The following THSD7A variants were observed in gnomAD, a reference collection of about 807,000 sequenced individuals.
The protein encoded by THSD7A is thrombospondin type 1 domain containing 7A, also known as thrombospondin type-1 domain-containing protein 7A.
Under a neutral mutation model 231.3 loss-of-function variants are expected in THSD7A, and 96 were observed. The observed-to-expected ratio is 0.41, with a 90% confidence interval of 0.35 to 0.49. The LOEUF (loss-of-function observed/expected upper bound fraction) is 0.49. Ranked by LOEUF, THSD7A falls within the 20% of genes least tolerant of loss-of-function variation. The pLI is 0.05. For missense variants in THSD7A, 2,290 were observed against 2,070.2 expected, an observed-to-expected ratio of 1.11 and a Z score of -2.06; for synonymous variants, 940 against 743.3, an observed-to-expected ratio of 1.26 and a Z score of -4.30.
At chr7:11,641,848 C>T (rs1340051468) in intron 1 of THSD7A, among the ~76,000 whole-genome samples, 1 of 152,052 alleles carries the variant, frequency 6.6e-6, no homozygotes, top group Non-Finnish European at 1.5e-5. Flanking sequence ...CCTTGGGTAT[C>T]GCATGTGTGT....
chr7:11,437,299 T>A (rs954209096), intron 13 of THSD7A, among the ~76,000 whole-genome samples: 3 of 152,040 alleles, frequency 2.0e-5, no homozygotes, highest in South Asian at 4.1e-4. Context: ...CCTCATCACC[T>A]CCTCTGTGCT....
chr7:11,676,569 C>A lies in THSD7A; in HGVS notation c.191-39608G>T, dbSNP rs148484343. On this transcript the variant is annotated intron_variant, in intron 1 of 27. Transcript: ENST00000423059. Reference sequence around the variant, plus strand: ...CTGGAATAACCAGTTTAGAGAAGAACATAAATGACCTAAGAGAGATGAAAA... The same window carrying A: ...CTGGAATAACCAGTTTAGAGAAGAAAATAAATGACCTAAGAGAGATGAAAA... 9.9e-3 allele frequency among the ~76,000 whole-genome samples: 1,501 copies of A among 152,148 alleles called. 31 individuals are homozygous for A. Among genetic ancestry groups the A allele is most frequent in the African/African-American group, 0.034 (1,418 of 41,506 alleles).
chr7:11,610,784 C>A (rs972755294), intron 2 of THSD7A, among the ~76,000 whole-genome samples: 3 of 152,060 alleles, frequency 2.0e-5, no homozygotes, highest in Non-Finnish European at 4.4e-5. Context: ...CTCATTACAA[C>A]TATATGGAAT....
At chr7:11,493,858 C>T (rs767512612) in intron 6 of THSD7A, among the ~76,000 whole-genome samples, 2 of 151,784 alleles carry the variant, frequency 1.3e-5, no homozygotes, top group Non-Finnish European at 2.9e-5. Flanking sequence ...CTAATAGAAA[C>T]CTTTGGGGGT....
chr7:11,553,122 T>C (rs1174836210), intron 4 of THSD7A, among the ~76,000 whole-genome samples: 1 of 152,110 alleles, frequency 6.6e-6, no homozygotes. Context: ...TGCTTCAGTA[T>C]TGCTGAAACA....
intron 23 of THSD7A, among the ~76,000 whole-genome samples, chr7:11,392,371 G>A (rs1413861166): frequency 6.6e-6 from 1 of 152,124 alleles, no homozygotes; most frequent in Non-Finnish European, 1.5e-5. Context: ...TTTTCTCATG[G>A]TCTTTGCAAC....
At chr7:11,729,515 G>A (rs1428864588) in intron 1 of THSD7A, among the ~76,000 whole-genome samples, 8 of 151,646 alleles carry the variant, frequency 5.3e-5, no homozygotes. Context: ...AAACAAGCAA[G>A]CAAACAAAAA....
intron 15 of THSD7A, among the ~76,000 whole-genome samples, chr7:11,425,509 G>T (rs1470902461): frequency 3.3e-5 from 5 of 151,910 alleles, no homozygotes; most frequent in African/African-American, 4.8e-5. Flanking sequence ...TCTGCTCCAG[G>T]GTCCATAAAG....
intron 6 of THSD7A, among the ~76,000 whole-genome samples, chr7:11,501,400 T>C (rs897750730): frequency 6.6e-6 from 1 of 152,068 alleles, no homozygotes; most frequent in East Asian, 1.9e-4. Context: ...CCTCAACAAA[T>C]GTAAAGGAAC....
intron 2 of THSD7A, among the ~76,000 whole-genome samples, chr7:11,611,996 G>A (rs1780950168): frequency 6.6e-6 from 1 of 151,960 alleles, no homozygotes; most frequent in South Asian, 2.1e-4. Context: ...CTTTCTAATT[G>A]CTGCCATATG....
At chr7:11,564,198 G>T (rs1214979902) in intron 4 of THSD7A, among the ~76,000 whole-genome samples, 2 of 152,190 alleles carry the variant, frequency 1.3e-5, no homozygotes, top group African/African-American at 2.4e-5. Context: ...AACCTGAAGA[G>T]CATTCCTTTT....
chr7:11,668,799 G>T (rs1783257772), intron 1 of THSD7A, among the ~76,000 whole-genome samples: 1 of 152,128 alleles, frequency 6.6e-6, no homozygotes, highest in Non-Finnish European at 1.5e-5. Flanking sequence ...AAGCTGTGAA[G>T]TTATTTCATT....
At chr7:11,639,435 C>G (rs142893797) in intron 1 of THSD7A, among the ~76,000 whole-genome samples, 22,487 of 151,942 alleles carry the variant, frequency 0.15, 1,778 homozygotes, top group Admixed American at 0.2. Context: ...TTTGGGAGGC[C>G]GAGGCGGGCG....
At chr7:11,778,156 C>CAAAAAAAAAAAAAAAAAAAAAAA (rs57740181) in intron 1 of THSD7A, among the ~76,000 whole-genome samples, 9 of 45,050 alleles carry the variant, frequency 2.0e-4, no homozygotes, top group African/African-American at 2.8e-4. Flanking sequence ...GACTCCGTCT[C>CAAAAAAAAAAAAAAAAAAAAAAA]AAAAAAAAAA....
At chr7:11,726,882 A>G (rs1781565686) in intron 1 of THSD7A, among the ~76,000 whole-genome samples, 1 of 151,956 alleles carries the variant, frequency 6.6e-6, no homozygotes, top group Non-Finnish European at 1.5e-5. Flanking sequence ...CCTTTCAGTC[A>G]TCTAAGAATA....
intron 2 of THSD7A, among the ~76,000 whole-genome samples, chr7:11,633,134 C>G (rs1781714562): frequency 6.6e-6 from 1 of 152,088 alleles, no homozygotes. Context: ...CTTTTAAACT[C>G]ATTCTGTTTT....
At chr7:11,535,983 C>T (rs537107486) in intron 6 of THSD7A, among the ~76,000 whole-genome samples, 39 of 152,262 alleles carry the variant, frequency 2.6e-4, no homozygotes, top group Non-Finnish European at 4.7e-4. Flanking sequence ...ACAAAAGGTA[C>T]TCCCCTGATA....
chr7:11,524,929 C>G (rs1788411300), intron 6 of THSD7A, among the ~76,000 whole-genome samples: 1 of 152,224 alleles, frequency 6.6e-6, no homozygotes, highest in African/African-American at 2.4e-5. Context: ...ATTATGGGAT[C>G]ATTTTCAAAA....
intron 16 of THSD7A, among the ~76,000 whole-genome samples, chr7:11,420,760 G>A (rs902938295): frequency 6.6e-6 from 1 of 152,216 alleles, no homozygotes; most frequent in African/African-American, 2.4e-5. Flanking sequence ...GCTCATGAAA[G>A]CAGCCTTGGG....
Sources: allele counts gnomAD v4.1 joint callset (sites outside exome capture counted in the v4.1 genomes callset), GRCh38; gene constraint gnomAD v4.1.1; transcripts MANE v1.5; gene names NCBI Gene and HGNC (gene_info 2026-07-23, HGNC 2026-07-21).